MYO6: variants seen among roughly 807,000 people sequenced by gnomAD.
MYO6 encodes the protein unconventional myosin-VI.
Under a neutral mutation model 178.7 loss-of-function variants are expected in MYO6, and 74 were observed. The ratio of observed to expected loss-of-function variants is 0.41; its 90% CI spans 0.34 to 0.50. The LOEUF is 0.50. MYO6 is among the 20% of genes least tolerant of loss of function. The pLI is 0.09. For missense variants in MYO6, 1,330 were observed against 1,547.4 expected (o/e 0.86, Z 2.36); for synonymous variants, 477 against 504.6 (o/e 0.95, Z 0.73).
intron 3 of MYO6, among the ~76,000 whole-genome samples, chr6:75,823,116 A>G (rs1011437200): frequency 6.6e-6 from 1 of 152,200 alleles, no homozygotes; most frequent in African/African-American, 2.4e-5. Flanking sequence ...GGCTTGAACT[A>G]AAAGTCTCTT....
At chr6:75,776,915 G>A (rs992913299) in intron 1 of MYO6, among the ~76,000 whole-genome samples, 1 of 152,142 alleles carries the variant, frequency 6.6e-6, no homozygotes, top group African/African-American at 2.4e-5. Context: ...AATAGCTCAT[G>A]TTGGAAGATA....
intron 1 of MYO6, among the ~76,000 whole-genome samples, chr6:75,805,017 A>ATTTT (rs1321808540): frequency 2.8e-4 from 17 of 60,748 alleles, no homozygotes; most frequent in African/African-American, 1.8e-3. Flanking sequence ...ATATATATAT[A>ATTTT]TATATTTTTT....
Position 75,858,931 on chromosome 6 carries a change from T to C in MYO6, c.1411T>C (p.Phe471Leu). 5.0e-6 allele frequency: 8 copies of C among 1,610,968 alleles called. No individual in the cohort carries two copies. The highest frequency in any genetic ancestry group is 6.8e-6 in the Non-Finnish European group (8 of 1,177,850). The change falls in exon 14 of 35, where the codon TTT becomes CTT. Residue 471 changes from phenylalanine to leucine, a missense_variant. Phe to Leu is a conservative substitution (Grantham distance 22). Coordinates refer to ENST00000369977, the MANE Select transcript of MYO6 (RefSeq NM_004999.4). ...EYFEHNSFEQ[F>L]CINYCNEKLQ... The stretch of plus-strand genomic sequence containing the variant: ...CTTTGAGCATAACAGTTTTGAACAA[T>C]TTTGCATCAACTATTGCAATGAAAA...
At position 75,855,077 on chromosome 6, in the gene MYO6, G is replaced by A; in HGVS notation, c.1079-62G>A. Reference sequence around the variant, plus strand: ...TAAGTGAAGTATAATTCTAAGAAATGGGTCTTGAAAATCTGGTTTATATAA... The same window carrying A: ...TAAGTGAAGTATAATTCTAAGAAATAGGTCTTGAAAATCTGGTTTATATAA... On this transcript the variant is annotated intron_variant, in intron 11 of 34. Coordinates refer to ENST00000369977, the MANE Select transcript of MYO6 (RefSeq NM_004999.4). 5 of 1,373,150 alleles carry A rather than the reference G, an allele frequency of 3.6e-6. No individual in the cohort carries two copies. The South Asian group carries it at 3.8e-5, about 10-fold the overall frequency. The allele number at this position is 1,373,150 out of a possible 1,614,324, so 85.1% of individuals were successfully genotyped here.
chr6:75,873,932 T>A (rs1280386387), intron 20 of MYO6, among the ~76,000 whole-genome samples: 1 of 152,206 alleles, frequency 6.6e-6, no homozygotes, highest in Non-Finnish European at 1.5e-5. Flanking sequence ...GTTTGCTTTA[T>A]GCCTTGCCCA....
chr6:75,812,706 C>T (rs1583163913), intron 1 of MYO6, among the ~76,000 whole-genome samples: 1 of 151,672 alleles, frequency 6.6e-6, no homozygotes, highest in African/African-American at 2.4e-5. Flanking sequence ...GTGAAGTTTT[C>T]CTTTCTTTGT....
chr6:75,834,806 G>GTT (rs964959454), intron 6 of MYO6, among the ~76,000 whole-genome samples: 7 of 152,124 alleles, frequency 4.6e-5, no homozygotes, highest in African/African-American at 1.4e-4. Context: ...GTTAACAGCT[G>GTT]TTATATATAT....
At position 75,891,311 on chromosome 6, in the gene MYO6, G is replaced by A. The variant is rs936732800; in HGVS notation, c.2946+5G>A. ...GATGATGAAAAACGCATTCAAGTATGTACTTACTGGGTTGAATTTCTATTA... is the reference window on the plus strand; with the variant it reads ...GATGATGAAAAACGCATTCAAGTATATACTTACTGGGTTGAATTTCTATTA... On this transcript the variant is annotated splice_donor_5th_base_variant and intron_variant, in intron 27 of 34. Transcript: ENST00000369977. The A allele has an allele frequency of 3.1e-6, 5 of 1,594,552 alleles. No homozygotes were observed. The highest frequency in any genetic ancestry group is 3.4e-6 in the Non-Finnish European group (4 of 1,165,960).
At chr6:75,822,738 A>G (rs747678927) in intron 2 of MYO6, 44 bp from the exon 3 acceptor site, 26 of 1,514,374 alleles carry the variant, frequency 1.7e-5, no homozygotes, top group Non-Finnish European at 2.1e-5. Context: ...TGTTCTTACT[A>G]TTTAAAAGCC....
intron 5 of MYO6, 141 bp downstream of exon 5, chr6:75,830,686 C>T: frequency 2.5e-6 from 2 of 804,924 alleles, no homozygotes; most frequent in Non-Finnish European, 4.0e-6. Context: ...GATATATCAA[C>T]ATTGTTAGGA....
chr6:75,762,876 T>C (rs1265888007), intron 1 of MYO6, among the ~76,000 whole-genome samples: 1 of 152,200 alleles, frequency 6.6e-6, no homozygotes, highest in Non-Finnish European at 1.5e-5. Context: ...AAATAATGAA[T>C]TTAAGTGTAA....
At chr6:75,910,987 G>A (rs1163359049) in intron 32 of MYO6, among the ~76,000 whole-genome samples, 1 of 151,994 alleles carries the variant, frequency 6.6e-6, no homozygotes, top group East Asian at 1.9e-4. Flanking sequence ...GACAGCTAAT[G>A]GTAAACTCTT....
chr6:75,871,812 A>G (rs1485095931), intron 19 of MYO6, among the ~76,000 whole-genome samples: 2 of 152,118 alleles, frequency 1.3e-5, no homozygotes, highest in Non-Finnish European at 2.9e-5. Flanking sequence ...AAAAAAAAGC[A>G]TTTCTAAAAC....
At position 75,891,288 on chromosome 6, in the gene MYO6, T is replaced by A; in HGVS notation, c.2928T>A (p.Asp976Glu). 6.2e-7 allele frequency: 1 copy of A among 1,608,324 alleles called. No individual in the cohort carries two copies. Among genetic ancestry groups the A allele is most frequent in the South Asian group, 1.1e-5 (1 of 90,772 alleles). Residue 976 changes from aspartate (D) to glutamate (E), a missense_variant, in exon 27 of 35, where the codon GAT (aspartate) becomes GAA (glutamate). Transcript: ENST00000369977. Reference protein sequence around the residue: ...QEEEERKKREDDEKRIQAEVE... With the variant: ...QEEEERKKREEDEKRIQAEVE... The stretch of plus-strand genomic sequence containing the variant: ...AAGAAGAGAGAAAGAAAAGGGAAGA[T>A]GATGAAAAACGCATTCAAGTATGTA...
chr6:75,787,695 TC>T (rs1767732578), intron 1 of MYO6, among the ~76,000 whole-genome samples: 3 of 51,836 alleles, frequency 5.8e-5, no homozygotes, highest in East Asian at 1.3e-3. Context: ...TCTCTCTCTC[TC>T]TCTCTCTCTC....
intron 1 of MYO6, among the ~76,000 whole-genome samples, chr6:75,777,389 A>G (rs889521089): frequency 1.3e-5 from 2 of 151,950 alleles, no homozygotes; most frequent in African/African-American, 4.8e-5. Flanking sequence ...TTTTTTAAAA[A>G]GTTGAGTTTG....
chr6:75,753,771 T>TA (rs1286576355), intron 1 of MYO6, among the ~76,000 whole-genome samples: 1 of 152,146 alleles, frequency 6.6e-6, no homozygotes, highest in Non-Finnish European at 1.5e-5. Context: ...CGGCATTATA[T>TA]AATGTTCAGA....
chr6:75,801,897 C>T (rs1468642161), intron 1 of MYO6, among the ~76,000 whole-genome samples: 2 of 151,368 alleles, frequency 1.3e-5, no homozygotes, highest in Non-Finnish European at 2.9e-5. Flanking sequence ...GCTGAGATCA[C>T]GCCATTGTAC....
intron 8 of MYO6, 93 bp downstream of exon 8, chr6:75,840,775 T>C (rs1286667595): frequency 3.4e-6 from 3 of 886,254 alleles, no homozygotes; most frequent in Non-Finnish European, 5.5e-6. Flanking sequence ...TAATGGTAAA[T>C]ACCTTTAAGT....
Sources: gnomAD v4.1 joint callset for allele counts (sites outside exome capture counted in the v4.1 genomes callset) on GRCh38, gnomAD v4.1.1 for gene constraint, MANE v1.5 for transcripts, NCBI Gene and HGNC (gene_info 2026-07-23, HGNC 2026-07-21) for gene names.